MINDY3: variants seen among roughly 807,000 people sequenced by gnomAD.
MINDY3 encodes MINDY lysine 48 deubiquitinase 3.
Under a neutral mutation model 69.2 loss-of-function variants are expected in MINDY3, and 38 were observed. That is an observed-to-expected ratio of 0.55 (90% CI 0.42 to 0.72). The LOEUF (loss-of-function observed/expected upper bound fraction) is 0.72. Ranked by LOEUF, MINDY3 falls within the 30% of genes least tolerant of loss-of-function variation. MINDY3 has a pLI of 0.00. For missense variants in MINDY3, 522 were observed against 519.0 expected, an observed-to-expected ratio of 1.01 and a Z score of -0.06; for synonymous variants, 192 against 180.1, an observed-to-expected ratio of 1.07 and a Z score of -0.53.
At chr10:15,850,453 G>C (rs1027991118) in intron 1 of MINDY3, among the ~76,000 whole-genome samples, 2 of 152,122 alleles carry the variant, frequency 1.3e-5, no homozygotes, top group Non-Finnish European at 2.9e-5. Flanking sequence ...CTTTTTCTCA[G>C]CAAGGAACAG....
At chr10:15,854,238 T>C (rs1490232921) in intron 1 of MINDY3, among the ~76,000 whole-genome samples, 1 of 152,138 alleles carries the variant, frequency 6.6e-6, no homozygotes, top group African/African-American at 2.4e-5. Context: ...GGTGTGGTAT[T>C]AAAGAAGATT....
chr10:15,859,211 T>C (rs959287196), intron 1 of MINDY3, among the ~76,000 whole-genome samples: 2 of 152,210 alleles, frequency 1.3e-5, no homozygotes, highest in Admixed American at 6.5e-5. Flanking sequence ...ACGTAAATCC[T>C]GAATTTTTGT....
chr10:15,849,316 C>CGG (rs971162256), intron 1 of MINDY3, among the ~76,000 whole-genome samples: 36 of 151,880 alleles, frequency 2.4e-4, no homozygotes, highest in African/African-American at 8.5e-4. Context: ...AAGGGTAGTA[C>CGG]GGGGGTAGGA....
chr10:15,856,985 C>T (rs994819699), intron 1 of MINDY3, among the ~76,000 whole-genome samples: 1 of 152,156 alleles, frequency 6.6e-6, no homozygotes, highest in African/African-American at 2.4e-5. Context: ...GCAGGCAGAT[C>T]AGTCCTTTAA....
At chr10:15,855,517 A>C (rs1313642315) in intron 1 of MINDY3, among the ~76,000 whole-genome samples, 1 of 152,116 alleles carries the variant, frequency 6.6e-6, no homozygotes, top group Non-Finnish European at 1.5e-5. Context: ...CTACGTAGAC[A>C]ATTTTGTATC....
intron 11 of MINDY3, among the ~76,000 whole-genome samples, chr10:15,793,927 A>G (rs901159106): frequency 4.6e-5 from 7 of 152,122 alleles, no homozygotes; most frequent in African/African-American, 1.7e-4. Flanking sequence ...TGTTTACACT[A>G]TGGAAGATGT....
intron 10 of MINDY3, among the ~76,000 whole-genome samples, chr10:15,807,256 T>TATTC (rs1838697491): frequency 6.6e-6 from 1 of 152,134 alleles, no homozygotes; most frequent in Admixed American, 6.6e-5. Context: ...CAATACTGAA[T>TATTC]GTGTGTGACA....
At chr10:15,837,384 A>G in intron 5 of MINDY3, 66 bp from the exon 6 acceptor site, 1 of 1,320,824 alleles carries the variant, frequency 7.6e-7, no homozygotes. Flanking sequence ...AAAAGGGAAA[A>G]TTTTTAAATT....
intron 6 of MINDY3, among the ~76,000 whole-genome samples, chr10:15,836,992 T>C (rs142501611): frequency 5.9e-5 from 9 of 152,086 alleles, no homozygotes; most frequent in South Asian, 2.1e-4. Flanking sequence ...CAGAACATTA[T>C]TGATAATCTC....
At chr10:15,841,712 T>C (rs1331145567) in intron 3 of MINDY3, 113 bp from the exon 4 acceptor site, 13 of 575,996 alleles carry the variant, frequency 2.3e-5, no homozygotes, top group African/African-American at 3.8e-5. Flanking sequence ...ATTTTAAAAA[T>C]GGGGGAAAAA....
At chr10:15,796,608 T>A (rs1234573106) in intron 10 of MINDY3, among the ~76,000 whole-genome samples, 1 of 151,388 alleles carries the variant, frequency 6.6e-6, no homozygotes. Context: ...ATCCAGAGAT[T>A]TATTATAGCA....
chr10:15,841,309 G>A (rs1833451379), intron 4 of MINDY3, 117 bp downstream of exon 4: 2 of 771,946 alleles, frequency 2.6e-6, no homozygotes, highest in Non-Finnish European at 4.0e-6. Context: ...TTAAGCTTAA[G>A]CTGGAAAAGA....
At chr10:15,846,983 A>G (rs879404128) in intron 2 of MINDY3, among the ~76,000 whole-genome samples, 7 of 152,210 alleles carry the variant, frequency 4.6e-5, no homozygotes, top group African/African-American at 7.2e-5. Flanking sequence ...TTGGCCTCCC[A>G]AAGTGGTAGG....
intron 13 of MINDY3, among the ~76,000 whole-genome samples, chr10:15,783,634 A>G (rs1460036999): frequency 6.6e-6 from 1 of 152,134 alleles, no homozygotes; most frequent in Non-Finnish European, 1.5e-5. Flanking sequence ...ATATAGTACT[A>G]CTTTGTATCA....
At position 15,821,656 on chromosome 10, in the gene MINDY3, C is replaced by G; in HGVS notation, c.801G>C (p.Lys267Asn). 3.1e-6 allele frequency: 5 copies of G among 1,605,150 alleles called. No homozygotes were observed. Among genetic ancestry groups the G allele is most frequent in the Non-Finnish European group, 4.3e-6 (5 of 1,174,616 alleles). ...LTLMEALRYC[K>N]VGSYLKSPKF... ...CAAAGTACCTTAAAAATCAATTTAC[C>G]TTACAGTATCTTAAAGCTTCCATTA... Residue 267 changes from lysine (K) to asparagine (N), a missense_variant and splice_region_variant, in exon 9 of 15, where the codon AAG becomes AAC. Lys to Asn is a moderately conservative substitution (Grantham distance 94). Coordinates refer to ENST00000277632, the MANE Select transcript of MINDY3 (RefSeq NM_024948.4).
At chr10:15,792,673 C>T (rs1423895706) in intron 11 of MINDY3, among the ~76,000 whole-genome samples, 1 of 151,970 alleles carries the variant, frequency 6.6e-6, no homozygotes, top group African/African-American at 2.4e-5. Context: ...CAAAATATGG[C>T]TGTCAACATA....
intron 8 of MINDY3, among the ~76,000 whole-genome samples, chr10:15,822,792 A>G (rs1839857156): frequency 6.6e-6 from 1 of 152,166 alleles, no homozygotes; most frequent in African/African-American, 2.4e-5. Context: ...AGTTAAAGTT[A>G]TGGAAGTGGG....
At chr10:15,789,458 G>A (rs1368398392) in intron 11 of MINDY3, 139 bp from the exon 12 acceptor site, 3 of 586,078 alleles carry the variant, frequency 5.1e-6, no homozygotes, top group Non-Finnish European at 9.0e-6. Flanking sequence ...GTTTATTTTA[G>A]GCATAGTGCC....
intron 10 of MINDY3, among the ~76,000 whole-genome samples, chr10:15,811,917 A>G (rs1417139663): frequency 6.6e-6 from 1 of 152,008 alleles, no homozygotes; most frequent in African/African-American, 2.4e-5. Flanking sequence ...AATAATGCTT[A>G]ATTTTTCATT....
Sources: allele counts gnomAD v4.1 joint callset (sites outside exome capture counted in the v4.1 genomes callset), GRCh38; gene constraint gnomAD v4.1.1; transcripts MANE v1.5; gene names NCBI Gene and HGNC (gene_info 2026-07-23, HGNC 2026-07-21).